Variants in REV3L observed in about 807,000 individuals in gnomAD.
REV3L encodes REV3 like, DNA directed polymerase zeta catalytic subunit, also known as DNA polymerase zeta catalytic subunit.
REV3L carries 69 observed loss-of-function variants against 299.4 expected under a neutral mutation model. The observed-to-expected ratio is 0.23, with a 90% confidence interval of 0.19 to 0.28. The LOEUF (loss-of-function observed/expected upper bound fraction) is 0.28. REV3L is among the 10% of genes least tolerant of loss of function. The pLI is 1.00. For missense variants in REV3L, 3,128 were observed against 3,693.8 expected, an observed-to-expected ratio of 0.85 and a Z score of 3.97; for synonymous variants, 1,238 against 1,271.4, an observed-to-expected ratio of 0.97 and a Z score of 0.56.
At chr6:111,397,445 G>C (rs769027393) in intron 4 of REV3L, among the ~76,000 whole-genome samples, 22 of 152,124 alleles carry the variant, frequency 1.4e-4, no homozygotes, top group Middle Eastern at 3.4e-3. Context: ...TTGATTTCTA[G>C]TTTTATTCCA....
chr6:111,314,914 A>C (rs866067048), intron 27 of REV3L, among the ~76,000 whole-genome samples: 3 of 150,780 alleles, frequency 2.0e-5, no homozygotes, highest in Middle Eastern at 6.8e-3. Flanking sequence ...TGCACCGGTC[A>C]ATCACAGTTC....
At chr6:111,448,870 T>TA (rs1562328169) in intron 1 of REV3L, among the ~76,000 whole-genome samples, 5 of 148,488 alleles carry the variant, frequency 3.4e-5, no homozygotes, top group Admixed American at 2.7e-4. Context: ...CTTGAGGAGT[T>TA]AGAGACTCCT....
chr6:111,437,218 C>T (rs949939318), intron 1 of REV3L, among the ~76,000 whole-genome samples: 1 of 152,044 alleles, frequency 6.6e-6, no homozygotes, highest in Non-Finnish European at 1.5e-5. Context: ...ATCATATGAC[C>T]AGCAATTCTA....
chr6:111,324,224 C>T (rs1223303516), intron 25 of REV3L, among the ~76,000 whole-genome samples: 1 of 152,166 alleles, frequency 6.6e-6, no homozygotes, highest in African/African-American at 2.4e-5. Context: ...TCTGGAACTC[C>T]TGGCCTCAAA....
intron 19 of REV3L, among the ~76,000 whole-genome samples, chr6:111,350,957 A>G (rs925349619): frequency 1.3e-5 from 2 of 152,040 alleles, no homozygotes; most frequent in African/African-American, 4.8e-5. Context: ...AACTTTTCCT[A>G]AAGTATACAC....
chr6:111,422,607 TATATAC>T (rs1161737251), intron 1 of REV3L, among the ~76,000 whole-genome samples: 3 of 17,880 alleles, frequency 1.7e-4, no homozygotes, highest in Admixed American at 7.5e-4. Flanking sequence ...CATATATATA[TATATAC>T]ACATATATAT....
intron 26 of REV3L, among the ~76,000 whole-genome samples, chr6:111,319,079 T>TA (rs1379969308): frequency 1.3e-5 from 2 of 152,094 alleles, no homozygotes; most frequent in African/African-American, 4.8e-5. Flanking sequence ...CTATATATTT[T>TA]AATATTTTAT....
At chr6:111,306,446 T>C (rs1171525622) in intron 31 of REV3L, among the ~76,000 whole-genome samples, 1 of 152,140 alleles carries the variant, frequency 6.6e-6, no homozygotes, top group African/African-American at 2.4e-5. Context: ...TTATCAACAA[T>C]AAGGAGTAAT....
intron 1 of REV3L, among the ~76,000 whole-genome samples, chr6:111,422,910 T>C (rs1785739034): frequency 6.6e-6 from 1 of 151,736 alleles, no homozygotes; most frequent in South Asian, 2.1e-4. Context: ...TACAGAACTT[T>C]ATCTAGAATC....
chr6:111,464,614 TAAGAA>T (rs201235695), intron 1 of REV3L, among the ~76,000 whole-genome samples: 4,331 of 152,064 alleles, frequency 0.028, 75 homozygotes, highest in South Asian at 0.078. Flanking sequence ...TCTTAAGAGA[TAAGAA>T]AAAAGAAATG....
chr6:111,430,206 C>G (rs1786723491), intron 1 of REV3L: 3 of 819,260 alleles, frequency 3.7e-6, no homozygotes, highest in Non-Finnish European at 4.4e-6. Flanking sequence ...TTTAGCCAAA[C>G]AAGAAGAAGT....
At chr6:111,354,401 A>G (rs183334040) in intron 18 of REV3L, among the ~76,000 whole-genome samples, 4 of 152,316 alleles carry the variant, frequency 2.6e-5, no homozygotes, top group African/African-American at 9.6e-5. Context: ...ATTTTTATAA[A>G]CTGCTACAGC....
chr6:111,410,169 C>T (rs779251148), intron 3 of REV3L, among the ~76,000 whole-genome samples: 29 of 151,936 alleles, frequency 1.9e-4, no homozygotes, highest in African/African-American at 6.3e-4. Context: ...TGCACCATTG[C>T]GTACTCCAGC....
At chr6:111,303,667 G>A (rs1375306692) in intron 31 of REV3L, among the ~76,000 whole-genome samples, 2 of 108,258 alleles carry the variant, frequency 1.8e-5, no homozygotes, top group South Asian at 3.5e-4. Context: ...ATCCCCAGCC[G>A]AGGCTTTTTT....
chr6:111,369,209 G>T (rs1310625211), intron 13 of REV3L, among the ~76,000 whole-genome samples: 2 of 150,360 alleles, frequency 1.3e-5, no homozygotes, highest in African/African-American at 4.9e-5. Flanking sequence ...GTGAACCAGG[G>T]AGGCGGACCT....
Position 111,371,539 on chromosome 6 carries a change from T to C in REV3L, c.5759+1057A>G, listed in dbSNP as rs565948078. 2.1e-3 allele frequency among the ~76,000 whole-genome samples: 316 copies of C among 151,300 alleles called. 3 individuals carry two copies. The highest frequency in any genetic ancestry group is 7.0e-3 in the African/African-American group (290 of 41,262). On this transcript the variant is annotated intron_variant, in intron 13 of 31. Transcript: ENST00000368802. ...CTGAGTAGCTGGGACCACAGGTGCA[T>C]GCCACCATGCCCAGCTATCTTTTTT...
intron 16 of REV3L, chr6:111,361,667 G>C (rs948354991): frequency 6.6e-6 from 1 of 152,048 alleles, no homozygotes. Context: ...CTAGGCAAGA[G>C]GCAGGTGAGA....
intron 1 of REV3L, among the ~76,000 whole-genome samples, chr6:111,426,516 C>G (rs1263510543): frequency 2.0e-5 from 3 of 152,064 alleles, no homozygotes; most frequent in Admixed American, 1.3e-4. Flanking sequence ...TGGTGATGAC[C>G]CTGAGCAGTA....
At chr6:111,351,602 T>C in intron 19 of REV3L, 74 bp downstream of exon 19, 1 of 1,198,898 alleles carries the variant, frequency 8.3e-7, no homozygotes, top group Non-Finnish European at 1.2e-6. Context: ...ATAAGTACTC[T>C]TTAACATTCT....
Sources: allele counts gnomAD v4.1 joint callset (sites outside exome capture counted in the v4.1 genomes callset), GRCh38; gene constraint gnomAD v4.1.1; transcripts MANE v1.5; gene names NCBI Gene and HGNC (gene_info 2026-07-23, HGNC 2026-07-21).